Variants in NCAPG2 observed in about 807,000 individuals in gnomAD.
NCAPG2 encodes the protein condensin-2 complex subunit G2.
NCAPG2 carries 53 observed loss-of-function variants against 141.1 expected under a neutral mutation model. That is an observed-to-expected ratio of 0.38 (90% CI 0.30 to 0.47). The LOEUF (loss-of-function observed/expected upper bound fraction) is 0.47. Among genes scored for constraint, NCAPG2 ranks in the 20% least tolerant of loss-of-function variants. NCAPG2 has a pLI of 0.99. For missense variants in NCAPG2, 1,087 were observed against 1,389.0 expected (o/e 0.78, Z 3.46); for synonymous variants, 499 against 490.7 (o/e 1.02, Z -0.22).
intron 24 of NCAPG2, among the ~76,000 whole-genome samples, chr7:158,648,594 GACGACAACCACGCCAA>G (rs1389845974): frequency 9.6e-6 from 1 of 103,652 alleles, no homozygotes; most frequent in African/African-American, 3.3e-5. Context: ...ACGCCAAATG[GACGACAACCACGCCAA>G]ATGGACGACA....
At chr7:158,704,007 T>A (rs896783679) in intron 1 of NCAPG2, among the ~76,000 whole-genome samples, 14 of 151,092 alleles carry the variant, frequency 9.3e-5, no homozygotes, top group Admixed American at 2.0e-4. Context: ...GGGGTCGCTC[T>A]CTGAGGGCAG....
intron 1 of NCAPG2, among the ~76,000 whole-genome samples, chr7:158,703,026 A>G (rs1366490452): frequency 6.6e-6 from 1 of 152,196 alleles, no homozygotes; most frequent in East Asian, 1.9e-4. Flanking sequence ...TTGCCATTGT[A>G]TTACAGTTGC....
chr7:158,680,834 GA>G lies in NCAPG2; in HGVS notation c.925-19del. On this transcript the variant is annotated intron_variant, in intron 9 of 27. Transcript: ENST00000356309. ...CTCAGAACCTAAGGACCAAAAAAAG[GA>G]AAAGGAAGGCATTAACAAAAAAATA... 1 of 1,521,046 alleles carries G rather than the reference GA, an allele frequency of 6.6e-7. No individual in the cohort carries two copies. The highest frequency in any genetic ancestry group is 8.9e-7 in the Non-Finnish European group (1 of 1,119,518). 94.2% of individuals were successfully genotyped at this position (1,521,046 alleles called of 1,614,324 possible). A position where few individuals can be genotyped will look rare whatever the true frequency, so the allele number is the denominator to read the frequency against.
chr7:158,703,397 C>G (rs1271216884), intron 1 of NCAPG2, among the ~76,000 whole-genome samples: 1 of 152,232 alleles, frequency 6.6e-6, no homozygotes. Context: ...GGTCACTTTT[C>G]TTGTTTGCTC....
intron 27 of NCAPG2, chr7:158,640,725 G>A (rs769495694): frequency 6.6e-6 from 1 of 152,120 alleles, no homozygotes; most frequent in African/African-American, 2.4e-5. Context: ...TCTCTGGAGG[G>A]AAGGAAAAGA....
chr7:158,691,839 TAGTTA>T (rs750484553), intron 4 of NCAPG2, among the ~76,000 whole-genome samples: 5 of 152,218 alleles, frequency 3.3e-5, no homozygotes, highest in Non-Finnish European at 5.9e-5. Flanking sequence ...CACAAATTCT[TAGTTA>T]AGTTGACACT....
At chr7:158,667,521 CTCCTT>C (rs1833170053) in intron 13 of NCAPG2, among the ~76,000 whole-genome samples, 1 of 75,172 alleles carries the variant, frequency 1.3e-5, no homozygotes. Context: ...TCCCTCCGCC[CTCCTT>C]ACCTACCCTG....
chr7:158,673,211 T>C (rs1283828008), intron 12 of NCAPG2, among the ~76,000 whole-genome samples: 1 of 152,178 alleles, frequency 6.6e-6, no homozygotes, highest in Non-Finnish European at 1.5e-5. Context: ...GCATCATCAC[T>C]TCAAGGAGAA....
At chr7:158,641,643 C>A in intron 27 of NCAPG2, 1 of 446,382 alleles carries the variant, frequency 2.2e-6, no homozygotes, top group Non-Finnish European at 4.0e-6. Context: ...GTATTAATTT[C>A]AGGCAGAGCA....
Position 158,654,450 on chromosome 7 carries a change from C to T in NCAPG2, c.2746+145G>A, listed in dbSNP as rs546057580. On this transcript the variant is annotated intron_variant, in intron 22 of 27. Transcript: ENST00000356309. ...ACCTCTTAATTTCCGGGCTGAACCA[C>T]CTAACAAATCCCTTTTTTGGGATAT... 5 of 779,668 alleles carry T rather than the reference C, an allele frequency of 6.4e-6. No individual in the cohort carries two copies. In the African/African-American group the frequency reaches 9.0e-5, roughly 14 times the overall value. The allele number at this position is 779,668 out of a possible 1,614,324, so 48.3% of individuals were successfully genotyped here.
chr7:158,645,361 C>T (rs1311580213), intron 26 of NCAPG2, among the ~76,000 whole-genome samples, 158 bp downstream of exon 26: 1 of 152,136 alleles, frequency 6.6e-6, no homozygotes, highest in Non-Finnish European at 1.5e-5. Flanking sequence ...GTGGACAGCA[C>T]TGTGTCCAGC....
At chr7:158,691,641 C>A (rs1209196837) in intron 4 of NCAPG2, among the ~76,000 whole-genome samples, 1 of 152,144 alleles carries the variant, frequency 6.6e-6, no homozygotes, top group Non-Finnish European at 1.5e-5. Flanking sequence ...TCTTTTGTAA[C>A]TAAAATTTTA....
intron 27 of NCAPG2, chr7:158,641,559 G>GAAA (rs74999655): frequency 2.5e-4 from 122 of 483,834 alleles, no homozygotes; most frequent in South Asian, 8.8e-4. Flanking sequence ...TCATATCTTG[G>GAAA]AAAAAAAAAA....
intron 27 of NCAPG2, among the ~76,000 whole-genome samples, chr7:158,644,033 A>C: frequency 6.6e-6 from 1 of 152,384 alleles, no homozygotes; most frequent in Non-Finnish European, 1.5e-5. Flanking sequence ...ACTAAATAAA[A>C]TAAGTTTGTA....
At position 158,701,836 on chromosome 7, in the gene NCAPG2, A is replaced by G; in HGVS notation, c.64T>C (p.Phe22Leu). 1 of 1,613,438 alleles carries G rather than the reference A, an allele frequency of 6.2e-7. No homozygotes were observed. The highest frequency in any genetic ancestry group is 2.2e-5 in the East Asian group (1 of 44,864). ...SKELVGEFLQ[F>L]VQLDKEASDP... ...ATGAAACTTACATCAAGTTGAACAA[A>G]TTGCAAAAACTCTCCAACCAGCTCC... The change falls in exon 2 of 28, where the codon TTT becomes CTT. Residue 22 changes from phenylalanine to leucine, a missense_variant. Coordinates refer to ENST00000356309, the MANE Select transcript of NCAPG2 (RefSeq NM_017760.7).
intron 17 of NCAPG2, among the ~76,000 whole-genome samples, chr7:158,657,359 G>A (rs2129459350): frequency 6.6e-6 from 1 of 152,340 alleles, no homozygotes; most frequent in South Asian, 2.1e-4. Context: ...AAGCCCAGGT[G>A]CTCAGGGCCA....
chr7:158,675,678 G>A (rs747611000), intron 11 of NCAPG2, 22 bp from the exon 12 acceptor site: 13 of 1,599,282 alleles, frequency 8.1e-6, no homozygotes, highest in Admixed American at 1.8e-5. Context: ...AGGGGAGAAA[G>A]GCTTAAAAAC....
chr7:158,693,263 A>G (rs759641182), intron 3 of NCAPG2, 46 bp downstream of exon 3: 2 of 1,541,692 alleles, frequency 1.3e-6, no homozygotes, highest in Non-Finnish European at 1.8e-6. Context: ...ATTTTTTGAC[A>G]AAAAAAAGAG....
intron 11 of NCAPG2, among the ~76,000 whole-genome samples, chr7:158,678,656 C>T (rs1189189928): frequency 1.3e-5 from 2 of 148,976 alleles, no homozygotes; most frequent in African/African-American, 5.0e-5. Flanking sequence ...CCACTGGACT[C>T]CAGGCTGGGA....
Sources: gnomAD v4.1 joint callset for allele counts (sites outside exome capture counted in the v4.1 genomes callset) on GRCh38, gnomAD v4.1.1 for gene constraint, MANE v1.5 for transcripts, NCBI Gene and HGNC (gene_info 2026-07-23, HGNC 2026-07-21) for gene names.